The following SPATC1 variants were observed in gnomAD, a reference collection of about 807,000 sequenced individuals.
SPATC1 encodes the protein spermatogenesis and centriole associated 1.
In SPATC1, 35 loss-of-function variants were observed where a neutral mutation model predicts 36.5. The observed-to-expected ratio is 0.96, with a 90% CI of 0.73 to 1.27. The LOEUF is 1.27. Ranked by LOEUF, SPATC1 falls within the 50% of genes most tolerant of loss-of-function variation. The probability of loss-of-function intolerance (pLI) is 0.00; values close to 1 mark genes in which losing one functional copy is unlikely to be tolerated. For missense variants in SPATC1, 779 were observed against 796.0 expected (o/e 0.98, Z 0.26); for synonymous variants, 361 against 353.6 (o/e 1.02, Z -0.24).
intron 1 of SPATC1, among the ~76,000 whole-genome samples, chr8:144,024,820 C>T (rs1215256859): frequency 1.1e-5 from 1 of 94,454 alleles, no homozygotes; most frequent in African/African-American, 4.0e-5. Flanking sequence ...TGAGGACCCT[C>T]TTCCCTCAGG....
intron 1 of SPATC1, among the ~76,000 whole-genome samples, chr8:144,031,450 C>CTTTTTTT (rs1176896425): frequency 3.4e-5 from 4 of 116,686 alleles, no homozygotes; most frequent in Non-Finnish European, 5.1e-5. Flanking sequence ...ATTTTTTTTT[C>CTTTTTTT]TTTTTTTTTT....
At position 144,043,538 on chromosome 8, in the gene SPATC1, G is replaced by A. The variant is rs572315895; in HGVS notation, c.1446+2167G>A. Among the ~76,000 whole-genome samples the A allele has an allele frequency of 1.7e-3, 265 of 151,844 alleles. 1 individual carries two copies. Among genetic ancestry groups the A allele is most frequent in the Non-Finnish European group, 3.0e-3 (207 of 67,938 alleles). On this transcript the variant is annotated intron_variant, in intron 4 of 4. Coordinates refer to ENST00000377470, the MANE Select transcript of SPATC1 (RefSeq NM_198572.3). ...CTTGTGATCCGCCTGCCTTGGCCTC[G>A]CCCAGCTTTAAATTTTTTATAGAGA... is the stretch of plus-strand genomic sequence containing the variant.
chr8:144,012,614 G>T lies in SPATC1; in HGVS notation c.99G>T (p.Glu33Asp). The T allele has an allele frequency of 1.3e-6, 2 of 1,551,750 alleles. No homozygotes were observed. Among genetic ancestry groups the T allele is most frequent in the Non-Finnish European group, 1.7e-6 (2 of 1,147,010 alleles). ...AGAAGTTGGTGCGGCTCATTCGGGA[G>T]AATCACGAGCTCAAGTCAGCGATCA... ...ELKKLVRLIR[E>D]NHELKSAIKT... The change falls in exon 1 of 5, where the codon GAG becomes GAT. Residue 33 changes from glutamate to aspartate, a missense_variant. By Grantham distance (45) the Glu-to-Asp change is conservative. Coordinates refer to ENST00000377470, the MANE Select transcript of SPATC1 (RefSeq NM_198572.3).
intron 1 of SPATC1, among the ~76,000 whole-genome samples, chr8:144,014,496 A>G (rs1389691111): frequency 2.6e-5 from 4 of 151,874 alleles, no homozygotes; most frequent in Non-Finnish European, 4.4e-5. Flanking sequence ...GAAAGAAGGA[A>G]GGAAGGAAAG....
Position 144,041,356 on chromosome 8 carries a change from A to G in SPATC1, c.1431A>G (p.Pro477=), listed in dbSNP as rs782524315. ...RLYGFTVSNI[P]EKIIQASLNP... ...ACGGCTTCACTGTCTCCAACATCCCAGAGAAGATCATCCAGGTGTGCGGCC... is the reference window on the plus strand; with the variant it reads ...ACGGCTTCACTGTCTCCAACATCCCGGAGAAGATCATCCAGGTGTGCGGCC... The change falls in exon 4 of 5, where the codon CCA becomes CCG. Residue 477 remains proline, a synonymous_variant. Transcript: ENST00000377470. 5 of 1,610,256 alleles carry G rather than the reference A, an allele frequency of 3.1e-6. No homozygotes were observed. The South Asian group carries it at 4.4e-5, about 14-fold the overall frequency.
At chr8:144,011,032 T>C (rs138890034), upstream of SPATC1, among the ~76,000 whole-genome samples, 249 of 151,972 alleles carry the variant, frequency 1.6e-3, 2 homozygotes, top group East Asian at 0.04. This position sits in a 1 kb window ranked among gnomAD's most constrained non-coding sequence, Gnocchi z 4.5. Context: ...TCACGTCTAT[T>C]AGACGTCTAA....
intron 1 of SPATC1, among the ~76,000 whole-genome samples, chr8:144,034,919 C>A (rs995373385): frequency 6.6e-6 from 1 of 152,210 alleles, no homozygotes; most frequent in Non-Finnish European, 1.5e-5. Context: ...CTGCGCCTGG[C>A]AACTCTCAGC....
chr8:144,040,899 C>T lies in SPATC1; in HGVS notation c.1098C>T (p.Ser366=). 1 of 1,591,102 alleles carries T rather than the reference C, an allele frequency of 6.3e-7. No individual in the cohort carries two copies. The highest frequency in any genetic ancestry group is 8.6e-7 in the Non-Finnish European group (1 of 1,166,782). ...HIAQGAPHPP[S]RMHNSPTQNL... The stretch of plus-strand genomic sequence containing the variant: ...CCCAGGGTGCCCCCCATCCCCCTTC[C>T]CGAATGCATAATTCCCCAACCCAGA... Residue 366 remains serine (S), a synonymous_variant, in exon 3 of 5, where the codon TCC becomes TCT. Transcript: ENST00000377470.
chr8:144,045,769 A>C lies in SPATC1; in HGVS notation c.1447-858A>C, dbSNP rs1835243162. 1.3e-5 allele frequency among the ~76,000 whole-genome samples: 2 copies of C among 152,330 alleles called. No homozygotes were observed. Among genetic ancestry groups the C allele is most frequent in the South Asian group, 4.1e-4 (2 of 4,832 alleles). On this transcript the variant is annotated intron_variant, in intron 4 of 4. Coordinates refer to ENST00000377470, the MANE Select transcript of SPATC1 (RefSeq NM_198572.3). The surrounding 1 kb of genome is among the most constrained non-coding windows in gnomAD (Gnocchi z 5.2). Reference sequence around the variant, plus strand: ...ACTGGCAGGGCCCAGTGCAAAATGAAAATAATTCAAAACTTAGAACTTCAG... The same window carrying C: ...ACTGGCAGGGCCCAGTGCAAAATGACAATAATTCAAAACTTAGAACTTCAG...
chr8:144,036,393 C>G (rs1040933095), intron 1 of SPATC1, among the ~76,000 whole-genome samples: 1 of 152,154 alleles, frequency 6.6e-6, no homozygotes, highest in East Asian at 1.9e-4. Context: ...AGCACGATCA[C>G]GGCTCACCAC....
At chr8:144,014,126 C>T (rs1834333271) in intron 1 of SPATC1, among the ~76,000 whole-genome samples, 2 of 152,262 alleles carry the variant, frequency 1.3e-5, no homozygotes, top group South Asian at 2.1e-4. Context: ...GTGGCACATG[C>T]CTGTGGTCCC....
chr8:144,046,617 G>A lies in SPATC1; in HGVS notation c.1447-10G>A. 1 of 1,601,342 alleles carries A rather than the reference G, an allele frequency of 6.2e-7. No individual in the cohort carries two copies. On this transcript the variant is annotated splice_polypyrimidine_tract_variant and intron_variant, in intron 4 of 4. Coordinates refer to ENST00000377470, the MANE Select transcript of SPATC1 (RefSeq NM_198572.3). The surrounding 1 kb of genome is among the most constrained non-coding windows in gnomAD (Gnocchi z 6.6). ...CAAGGGAGGGTCCCTGATGGCCGCT[G>A]TCCCCACAGGCTTCCCTGAACCCCA...
chr8:144,036,850 C>A (rs1440743931), intron 1 of SPATC1, among the ~76,000 whole-genome samples: 1 of 151,900 alleles, frequency 6.6e-6, no homozygotes, highest in Non-Finnish European at 1.5e-5. Context: ...GATTGAAATG[C>A]CCATCCACTG....
chr8:144,013,663 A>C (rs1834324434), intron 1 of SPATC1, among the ~76,000 whole-genome samples: 1 of 152,150 alleles, frequency 6.6e-6, no homozygotes, highest in Non-Finnish European at 1.5e-5. Flanking sequence ...TAAAAAGAAT[A>C]ATACACATGG....
Position 144,046,858 on chromosome 8 carries a change from G to A in SPATC1, c.1678G>A (p.Glu560Lys), listed in dbSNP as rs200216729. The A allele has an allele frequency of 3.6e-5, 57 of 1,601,544 alleles. No individual in the cohort carries two copies. In the Admixed American group the frequency reaches 9.3e-4, roughly 26 times the overall value. Residue 560 changes from glutamate to lysine, a missense_variant, in exon 5 of 5, where the codon GAG (glutamate) becomes AAG (lysine). Physicochemically the swap from Glu to Lys is moderately conservative, Grantham distance 56. Transcript: ENST00000377470. The surrounding 1 kb of genome is among the most constrained non-coding windows in gnomAD (Gnocchi z 6.6). ...TVDFLQRVVV[E>K]TVHPGMLADA... is the part of the protein sequence containing the mutation. ...GGACTTCCTGCAGCGTGTGGTGGTGGAGACCGTGCACCCCGGCATGCTCGC... is the reference window on the plus strand; with the variant it reads ...GGACTTCCTGCAGCGTGTGGTGGTGAAGACCGTGCACCCCGGCATGCTCGC...
At chr8:144,015,714 C>A (rs2133096676) in intron 1 of SPATC1, among the ~76,000 whole-genome samples, 1 of 138,404 alleles carries the variant, frequency 7.2e-6, no homozygotes, top group South Asian at 2.3e-4. Flanking sequence ...GCACTCCAGC[C>A]TGGGCGACTG....
At chr8:144,025,351 C>G (rs1834656174) in intron 1 of SPATC1, among the ~76,000 whole-genome samples, 1 of 152,144 alleles carries the variant, frequency 6.6e-6, no homozygotes. Flanking sequence ...CTAGCTTTTA[C>G]TTTTCTTTTT....
chr8:144,025,888 C>A (rs1418028624), intron 1 of SPATC1, among the ~76,000 whole-genome samples: 3 of 152,146 alleles, frequency 2.0e-5, no homozygotes, highest in African/African-American at 7.2e-5. Flanking sequence ...ACAATAAATG[C>A]CTGTGACCCC....
Position 144,041,009 on chromosome 8 carries a change from G to T in SPATC1, c.1208G>T (p.Arg403Leu). ...TCCCCGGCTTCAGTCAATGACTCTCGAGGTCCACGCACCACAGAACCGTCG... is the reference window on the plus strand; with the variant it reads ...TCCCCGGCTTCAGTCAATGACTCTCTAGGTCCACGCACCACAGAACCGTCG... Reference protein sequence around the residue: ...SSSPASVNDSRGPRTTEPSTK... With the variant: ...SSSPASVNDSLGPRTTEPSTK... Residue 403 changes from arginine (R) to leucine (L), a missense_variant, in exon 3 of 5, where the codon CGA becomes CTA. Physicochemically the swap from Arg to Leu is moderately radical, Grantham distance 102. Coordinates refer to ENST00000377470, the MANE Select transcript of SPATC1 (RefSeq NM_198572.3). 2 of 1,611,830 alleles carry T rather than the reference G, an allele frequency of 1.2e-6. No individual in the cohort carries two copies. The highest frequency in any genetic ancestry group is 8.5e-7 in the Non-Finnish European group (1 of 1,179,762).
Sources: allele counts gnomAD v4.1 joint callset (sites outside exome capture counted in the v4.1 genomes callset), GRCh38; gene constraint gnomAD v4.1.1; non-coding constraint Gnocchi (gnomAD v3.1); transcripts MANE v1.5; gene names NCBI Gene and HGNC (gene_info 2026-07-23, HGNC 2026-07-21).